The following RIMS2 variants were observed in gnomAD, a reference collection of about 807,000 sequenced individuals.
The protein encoded by RIMS2 is regulating synaptic membrane exocytosis protein 2.
RIMS2 carries 59 observed loss-of-function variants against 174.4 expected under a neutral mutation model. That is an observed-to-expected ratio of 0.34 (90% confidence interval 0.27 to 0.42). The LOEUF (loss-of-function observed/expected upper bound fraction) is 0.42, where lower values mean the gene tolerates loss of function less well. Among genes scored for constraint, RIMS2 ranks in the 10% least tolerant of loss-of-function variants. The pLI is 1.00. For synonymous variants in RIMS2, 606 were observed against 572.5 expected, an observed-to-expected ratio of 1.06 and a Z score of -0.84; for missense variants, 1,620 against 1,666.3, an observed-to-expected ratio of 0.97 and a Z score of 0.48.
intron 1 of RIMS2, among the ~76,000 whole-genome samples, chr8:103,525,738 A>C (rs1201321066): frequency 6.6e-6 from 1 of 152,188 alleles, no homozygotes; most frequent in Admixed American, 6.5e-5. Context: ...TGAGCCCTTA[A>C]TATGTAATAG....
At chr8:103,989,163 G>T in intron 16 of RIMS2, 142 bp from the exon 19 acceptor site, 1 of 609,030 alleles carries the variant, frequency 1.6e-6, no homozygotes. Flanking sequence ...TATACCTTTA[G>T]TTAGAGATGC....
intron 19 of RIMS2, among the ~76,000 whole-genome samples, chr8:104,034,959 A>T (rs1390447007): frequency 1.3e-5 from 2 of 152,172 alleles, no homozygotes; most frequent in Non-Finnish European, 2.9e-5. Context: ...CCACACAAAA[A>T]AGTAGTGGGA....
At chr8:104,249,168 A>G (rs141178079) in intron 21 of RIMS2, among the ~76,000 whole-genome samples, 5,218 of 151,942 alleles carry the variant, frequency 0.034, 197 homozygotes, top group East Asian at 0.14. Flanking sequence ...CCTGGCCTCA[A>G]GCGATCCTCC....
At chr8:104,076,499 A>G (rs999259742) in intron 19 of RIMS2, among the ~76,000 whole-genome samples, 1 of 152,226 alleles carries the variant, frequency 6.6e-6, no homozygotes, top group Admixed American at 6.5e-5. Flanking sequence ...ATAATTTCTT[A>G]CAATTGGTAC....
intron 19 of RIMS2, among the ~76,000 whole-genome samples, chr8:104,098,541 A>G (rs559511151): frequency 1.3e-5 from 2 of 152,286 alleles, no homozygotes; most frequent in Non-Finnish European, 2.9e-5. Flanking sequence ...ATTTCTCTAT[A>G]CACTTATGGT....
At chr8:103,617,813 C>T (rs2095541288) in intron 1 of RIMS2, among the ~76,000 whole-genome samples, 1 of 152,154 alleles carries the variant, frequency 6.6e-6, no homozygotes, top group South Asian at 2.1e-4. Context: ...CATACCACCT[C>T]ACACCAGTCA....
intron 1 of RIMS2, among the ~76,000 whole-genome samples, chr8:103,542,835 T>C (rs969353717): frequency 6.6e-6 from 1 of 152,144 alleles, no homozygotes; most frequent in African/African-American, 2.4e-5. Flanking sequence ...TCATGATAAA[T>C]AAACTTCTAA....
chr8:104,030,680 C>T (rs1235882549), intron 19 of RIMS2, among the ~76,000 whole-genome samples: 4 of 152,116 alleles, frequency 2.6e-5, no homozygotes, highest in Admixed American at 6.6e-5. Flanking sequence ...CCTGGAATAC[C>T]TTCTCTTTAA....
At chr8:104,094,763 G>A in intron 19 of RIMS2, 1 of 615,028 alleles carries the variant, frequency 1.6e-6, no homozygotes, top group Non-Finnish European at 2.9e-6. Context: ...TTTCCCATTA[G>A]TAATGTAGTC....
At chr8:104,198,570 GT>G in intron 19 of RIMS2, among the ~76,000 whole-genome samples, 1 of 152,150 alleles carries the variant, frequency 6.6e-6, no homozygotes, top group Non-Finnish European at 1.5e-5. Flanking sequence ...TCTTACAAAT[GT>G]TTTTCTCCTG....
At chr8:103,737,618 A>G (rs981265530) in intron 2 of RIMS2, among the ~76,000 whole-genome samples, 4 of 152,048 alleles carry the variant, frequency 2.6e-5, no homozygotes, top group East Asian at 1.9e-4. Context: ...GTAACTTCCT[A>G]TTGGGGCACA....
At chr8:103,603,029 G>A (rs1257591321) in intron 1 of RIMS2, among the ~76,000 whole-genome samples, 2 of 151,064 alleles carry the variant, frequency 1.3e-5, no homozygotes, top group Non-Finnish European at 2.9e-5. Context: ...TAAGTTTTAG[G>A]GTACATGTGC....
At chr8:104,028,433 CT>C (rs1199873251) in intron 19 of RIMS2, among the ~76,000 whole-genome samples, 1 of 152,040 alleles carries the variant, frequency 6.6e-6, no homozygotes, top group Non-Finnish European at 1.5e-5. Context: ...AATCTTAAAG[CT>C]TGTTCTTCTG....
At chr8:103,721,600 C>G (rs2097449526) in intron 2 of RIMS2, among the ~76,000 whole-genome samples, 1 of 152,168 alleles carries the variant, frequency 6.6e-6, no homozygotes, top group East Asian at 1.9e-4. Context: ...TTGCAGCATA[C>G]CTAACTTCTT....
chr8:104,239,572 T>C (rs2099276043), intron 19 of RIMS2, among the ~76,000 whole-genome samples: 1 of 152,200 alleles, frequency 6.6e-6, no homozygotes, highest in Non-Finnish European at 1.5e-5. Flanking sequence ...TTTATATGTA[T>C]GTGTATACTT....
intron 3 of RIMS2, among the ~76,000 whole-genome samples, chr8:103,789,564 C>A (rs2098476907): frequency 6.6e-6 from 1 of 152,146 alleles, no homozygotes; most frequent in African/African-American, 2.4e-5. Context: ...ATCCTGCCAA[C>A]ATTCAAGGGG....
At chr8:103,888,834 C>T (rs1471467830) in intron 4 of RIMS2, among the ~76,000 whole-genome samples, 2 of 151,468 alleles carry the variant, frequency 1.3e-5, no homozygotes, top group African/African-American at 2.4e-5. Context: ...TTCTAATAGA[C>T]GCTCTTGAAG....
chr8:103,526,483 A>G (rs1262876756), intron 1 of RIMS2, among the ~76,000 whole-genome samples: 1 of 152,240 alleles, frequency 6.6e-6, no homozygotes, highest in Non-Finnish European at 1.5e-5. Context: ...GATAAACAAT[A>G]GACCATAGTA....
At chr8:103,624,837 G>A (rs2430756) in intron 1 of RIMS2, among the ~76,000 whole-genome samples, 54,744 of 151,746 alleles carry the variant, frequency 0.36, 10,547 homozygotes, top group East Asian at 0.77. Context: ...ATACATATCT[G>A]TATTTTCTGA....
Sources: gnomAD v4.1 joint callset for allele counts (sites outside exome capture counted in the v4.1 genomes callset) on GRCh38, gnomAD v4.1.1 for gene constraint, MANE v1.5 for transcripts, NCBI Gene and HGNC (gene_info 2026-07-23, HGNC 2026-07-21) for gene names.